Variants in KLK15 observed in about 807,000 individuals in gnomAD.
KLK15 encodes the protein kallikrein related peptidase 15, also known as kallikrein-15.
Under a neutral mutation model 21.1 loss-of-function variants are expected in KLK15, and 19 were observed. The observed-to-expected ratio is 0.90, with a 90% CI of 0.63 to 1.32. KLK15 has a LOEUF of 1.32. Among genes scored for constraint, KLK15 ranks in the 40% most tolerant of loss-of-function variants. The pLI, the probability that KLK15 is intolerant of heterozygous loss-of-function variation, is 0.00. For synonymous variants in KLK15, 141 were observed against 141.5 expected, an observed-to-expected ratio of 1.00 and a Z score of 0.03; for missense variants, 345 against 348.6, an observed-to-expected ratio of 0.99 and a Z score of 0.08.
chr19:50,827,157 T>G (rs1479780129), exon 3 of KLK15: 10 of 1,580,850 alleles, frequency 6.3e-6, no homozygotes, highest in Non-Finnish European at 8.6e-6. Context: ...CGCACTCTCA[T>G]GAAGCTGTGC....
In KLK15 at chr19:50,825,768, CA is replaced by C. The variant is rs751759095; in HGVS notation, c.*27del. 3 of 1,604,850 alleles carry C rather than the reference CA, an allele frequency of 1.9e-6. No homozygotes were observed. In the East Asian group the frequency reaches 6.7e-5, roughly 36 times the overall value. Reference sequence around the variant, plus strand: ...CCAGCTGTGGGGGCTTCTGCTCAGTCAGGGGCACAGGAGATAGGCTAGAATA... The same window carrying C: ...CCAGCTGTGGGGGCTTCTGCTCAGTCGGGGCACAGGAGATAGGCTAGAATA... On this transcript the variant is annotated 3_prime_UTR_variant, in exon 5 of 5. Transcript: ENST00000598239.
rs200404046 is a variant in KLK15 at position 50,827,853 on chromosome 19, G to A, written c.44-38C>T. 34 of 1,595,094 alleles carry A rather than the reference G, an allele frequency of 2.1e-5. 1 individual carries two copies. The highest frequency in any genetic ancestry group is 2.8e-5 in the Non-Finnish European group (32 of 1,163,344). On this transcript the variant is annotated intron_variant, in intron 1 of 4. Coordinates refer to ENST00000598239, the Ensembl canonical transcript of KLK15. ...GTAGAGGATGCCTGAGGACAGGGAC[G>A]TTTACATTGCCTCCTACACCTTCCT...
intron 1 of KLK15, among the ~76,000 whole-genome samples, chr19:50,829,015 A>G (rs1455477670): frequency 6.8e-6 from 1 of 147,094 alleles, no homozygotes; most frequent in Non-Finnish European, 1.5e-5. Flanking sequence ...ACAGATGTTC[A>G]TATGTGTATA....
exon 3 of KLK15, chr19:50,827,062 T>C: frequency 6.2e-7 from 1 of 1,606,318 alleles, no homozygotes. Context: ...GGCTGCGCGC[T>C]TCGTAGCGCG....
chr19:50,826,771 T>C lies in KLK15; in HGVS notation c.482-14A>G, dbSNP rs1599949881. ...CTGGGAGACTCACTGGGGAAGACAG[T>C]GGACTTGGAGCAGATCCATAAATTC... On this transcript the variant is annotated splice_polypyrimidine_tract_variant and intron_variant, in intron 3 of 4. Coordinates refer to ENST00000598239, the Ensembl canonical transcript of KLK15. 6.8e-6 allele frequency: 11 copies of C among 1,606,520 alleles called. No individual in the cohort carries two copies. Among genetic ancestry groups the C allele is most frequent in the Non-Finnish European group, 9.3e-6 (11 of 1,176,614 alleles).
intron 1 of KLK15, chr19:50,831,025 T>C (rs2089976548): frequency 6.5e-6 from 1 of 154,894 alleles, no homozygotes; most frequent in African/African-American, 2.4e-5. Context: ...TGTTGGCCTC[T>C]CAGCACTTGT....
At chr19:50,831,535 G>A (rs2089985930), upstream of KLK15, 3 of 1,438,858 alleles carry the variant, frequency 2.1e-6, no homozygotes, top group Non-Finnish European at 2.7e-6. Context: ...TGGGGAGGGA[G>A]TGAGAGAATC....
chr19:50,826,721 C>T, exon 4 of KLK15: 2 of 1,614,050 alleles, frequency 1.2e-6, no homozygotes, highest in Non-Finnish European at 1.7e-6. Context: ...CGAGATAATG[C>T]TGATGTTGGC....
chr19:50,832,943 T>G (rs1380499992), upstream of KLK15, among the ~76,000 whole-genome samples: 1 of 152,086 alleles, frequency 6.6e-6, no homozygotes, highest in Admixed American at 6.6e-5. Context: ...GCTTTGAGGG[T>G]GAATTGAAAT....
downstream of KLK15, chr19:50,825,698 T>C: frequency 3.1e-6 from 4 of 1,294,004 alleles, no homozygotes; most frequent in Non-Finnish European, 4.3e-6. Context: ...GGACAGGGTC[T>C]TGGGGGATGG....
chr19:50,825,475 C>T, downstream of KLK15: 1 of 193,776 alleles, frequency 5.2e-6, no homozygotes, highest in South Asian at 1.6e-4. Context: ...AGCCCTGCTT[C>T]AAGCCGCTTC....
chr19:50,830,778 G>T (rs1599957631), intron 1 of KLK15, among the ~76,000 whole-genome samples: 1 of 152,362 alleles, frequency 6.6e-6, no homozygotes, highest in African/African-American at 2.4e-5. Context: ...CCTTGATGTT[G>T]TGGCCGTCCC....
In KLK15 at chr19:50,827,657, C is replaced by T. The variant is rs369415124; in HGVS notation, c.197+5G>A. The T allele has an allele frequency of 6.2e-7, 1 of 1,610,138 alleles. No homozygotes were observed. The highest frequency in any genetic ancestry group is 8.5e-7 in the Non-Finnish European group (1 of 1,177,114). On this transcript the variant is annotated splice_donor_5th_base_variant and intron_variant, in intron 2 of 4. Coordinates refer to ENST00000598239, the Ensembl canonical transcript of KLK15. ...CCTCAGGACCCTGAGCCCCTGCCTT[C>T]ATACCGGCTTTGGCAGTGGGCCGCA...
At chr19:50,828,733 C>T (rs1243873665) in intron 1 of KLK15, among the ~76,000 whole-genome samples, 2 of 151,238 alleles carry the variant, frequency 1.3e-5, no homozygotes, top group South Asian at 4.2e-4. Context: ...TTTGGGAGGC[C>T]GAGGCGGGTG....
rs772476595 is a variant in KLK15, at chr19:50,827,152, T to A, written c.207A>T (p.Arg69Ser). 6.3e-6 allele frequency: 10 copies of A among 1,586,938 alleles called. No homozygotes were observed. The highest frequency in any genetic ancestry group is 1.7e-4 in the Middle Eastern group (1 of 5,954). Residue 69 changes from arginine (R) to serine (S), a missense_variant, in exon 3 of 5, where the codon AGA (arginine) becomes AGT (serine). Transcript: ENST00000598239. ...GCAGGTTGTGCTCTCCCAGGCGCACTCTCATGAAGCTGTGCGGGCGAGTGG... is the reference window on the plus strand; with the variant it reads ...GCAGGTTGTGCTCTCCCAGGCGCACACTCATGAAGCTGTGCGGGCGAGTGG...
chr19:50,832,112 C>T (rs1419847027), upstream of KLK15, among the ~76,000 whole-genome samples: 32 of 124,840 alleles, frequency 2.6e-4, no homozygotes, highest in South Asian at 5.9e-4. Flanking sequence ...TGAGCCACCG[C>T]GCCTGGTCTA....
chr19:50,826,227 C>A, intron 4 of KLK15: 1 of 479,828 alleles, frequency 2.1e-6, no homozygotes. Context: ...CCAACTCAGC[C>A]CACATCCTCA....
chr19:50,831,528 G>T, upstream of KLK15: 1 of 1,450,380 alleles, frequency 6.9e-7, no homozygotes, highest in Non-Finnish European at 9.0e-7. Flanking sequence ...TGCAGTCTGG[G>T]GAGGGAGTGA....
chr19:50,826,797 C>T, intron 3 of KLK15, 40 bp from the exon 5 acceptor site: 3 of 1,589,734 alleles, frequency 1.9e-6, no homozygotes, highest in Middle Eastern at 1.7e-4. Context: ...CCATAAATTC[C>T]GGCCCTTGTC....
Sources: gnomAD v4.1 joint callset for allele counts (sites outside exome capture counted in the v4.1 genomes callset) on GRCh38, gnomAD v4.1.1 for gene constraint, MANE v1.5 for transcripts, NCBI Gene and HGNC (gene_info 2026-07-23, HGNC 2026-07-21) for gene names.